KCND3: variants seen among roughly 807,000 people sequenced by gnomAD.
KCND3 encodes potassium voltage-gated channel subfamily D member 3.
Under a neutral mutation model 51.1 loss-of-function variants are expected in KCND3, and 9 were observed. That is an observed-to-expected ratio of 0.18 (90% CI 0.11 to 0.31). The LOEUF (loss-of-function observed/expected upper bound fraction) is 0.31. KCND3 is among the 10% of genes least tolerant of loss of function. The pLI is 1.00. For synonymous variants in KCND3, 349 were observed against 368.0 expected (o/e 0.95, Z 0.59); for missense variants, 526 against 903.8 (o/e 0.58, Z 5.36).
chr1:111,908,475 G>T (rs1670758055), intron 2 of KCND3, among the ~76,000 whole-genome samples: 1 of 152,146 alleles, frequency 6.6e-6, no homozygotes, highest in Non-Finnish European at 1.5e-5. Context: ...GCAGGGCCAG[G>T]AACAAAACCT....
intron 2 of KCND3, among the ~76,000 whole-genome samples, chr1:111,806,784 A>G (rs1211463039): frequency 6.6e-6 from 1 of 152,252 alleles, no homozygotes; most frequent in Non-Finnish European, 1.5e-5. Flanking sequence ...CTTTAAAAAA[A>G]GTTAATCCAG....
chr1:111,834,117 G>C (rs896643773), intron 2 of KCND3, among the ~76,000 whole-genome samples: 1 of 152,180 alleles, frequency 6.6e-6, no homozygotes, highest in Non-Finnish European at 1.5e-5. Flanking sequence ...ATCAGACCAA[G>C]GATTTGACCA....
At chr1:111,776,661 G>A (rs1313544042) in intron 7 of KCND3, among the ~76,000 whole-genome samples, 1 of 152,186 alleles carries the variant, frequency 6.6e-6, no homozygotes, top group African/African-American at 2.4e-5. Context: ...CCTAGGATAA[G>A]CCATGAGTAA....
chr1:111,924,307 C>CA (rs1671601878), intron 2 of KCND3, among the ~76,000 whole-genome samples: 1 of 152,186 alleles, frequency 6.6e-6, no homozygotes, highest in South Asian at 2.1e-4. Context: ...TGTAATACAG[C>CA]TATAAAGTGG....
At chr1:111,867,683 A>C (rs922273876) in intron 2 of KCND3, among the ~76,000 whole-genome samples, 1 of 152,214 alleles carries the variant, frequency 6.6e-6, no homozygotes, top group Non-Finnish European at 1.5e-5. Flanking sequence ...TAGTATGCAC[A>C]TCTAAGAGGG....
intron 2 of KCND3, among the ~76,000 whole-genome samples, chr1:111,800,265 CAT>C (rs1438748135): frequency 3.0e-5 from 3 of 101,244 alleles, no homozygotes; most frequent in South Asian, 4.0e-4. Flanking sequence ...CTCTCTGAAA[CAT>C]GTGCTGTGTC....
At chr1:111,947,639 G>C (rs1006000886) in intron 2 of KCND3, among the ~76,000 whole-genome samples, 5 of 152,180 alleles carry the variant, frequency 3.3e-5, no homozygotes, top group African/African-American at 1.2e-4. Context: ...CAGGTGAATG[G>C]TCAATCAAAA....
chr1:111,956,450 C>G (rs1673347500), intron 2 of KCND3, among the ~76,000 whole-genome samples: 1 of 152,202 alleles, frequency 6.6e-6, no homozygotes, highest in Non-Finnish European at 1.5e-5. Context: ...TCCTTTTGAT[C>G]ATAATTAAGT....
At chr1:111,904,365 G>A (rs544622400) in intron 2 of KCND3, among the ~76,000 whole-genome samples, 1 of 152,254 alleles carries the variant, frequency 6.6e-6, no homozygotes, top group African/African-American at 2.4e-5. Context: ...GGTGGGGTTG[G>A]GGGTTGGTGG....
chr1:111,815,032 C>T (rs570522257), intron 2 of KCND3, among the ~76,000 whole-genome samples: 9 of 152,342 alleles, frequency 5.9e-5, no homozygotes, highest in Non-Finnish European at 1.2e-4. Flanking sequence ...TCTGTTTAGG[C>T]TGCTCCTGCC....
intron 2 of KCND3, among the ~76,000 whole-genome samples, chr1:111,824,450 T>C (rs1346281819): frequency 6.6e-6 from 1 of 152,206 alleles, no homozygotes; most frequent in East Asian, 1.9e-4. Context: ...CTTGCATTAC[T>C]GAATTCTAGC....
intron 2 of KCND3, among the ~76,000 whole-genome samples, chr1:111,841,384 A>C (rs889705343): frequency 6.6e-6 from 1 of 152,188 alleles, no homozygotes; most frequent in Admixed American, 6.5e-5. Flanking sequence ...CCATGAGCTT[A>C]TGTTAACTTG....
intron 2 of KCND3, among the ~76,000 whole-genome samples, chr1:111,943,860 G>T (rs1332043402): frequency 4.6e-5 from 7 of 152,182 alleles, no homozygotes; most frequent in Non-Finnish European, 8.8e-5. Context: ...CCCAGGAGTG[G>T]CATGGCCAGG....
At chr1:111,824,126 A>C (rs1158395864) in intron 2 of KCND3, among the ~76,000 whole-genome samples, 2 of 152,188 alleles carry the variant, frequency 1.3e-5, no homozygotes, top group Non-Finnish European at 2.9e-5. Context: ...CTCCAAAAAA[A>C]AAAAAAAAAA....
chr1:111,918,697 A>G (rs1483727183), intron 2 of KCND3, among the ~76,000 whole-genome samples: 2 of 152,188 alleles, frequency 1.3e-5, no homozygotes, highest in South Asian at 2.1e-4. Context: ...ATGGAGCCCA[A>G]ATAAAAAACA....
At chr1:111,963,191 A>T (rs1439645297) in intron 2 of KCND3, among the ~76,000 whole-genome samples, 1 of 152,234 alleles carries the variant, frequency 6.6e-6, no homozygotes, top group Non-Finnish European at 1.5e-5. Flanking sequence ...GAATCATGAG[A>T]TGTAATAAAT....
At chr1:111,969,931 T>C (rs1439172666) in intron 2 of KCND3, among the ~76,000 whole-genome samples, 1 of 152,194 alleles carries the variant, frequency 6.6e-6, no homozygotes, top group Admixed American at 6.5e-5. Flanking sequence ...TCACTCCACA[T>C]GCAAGCTAAT....
At chr1:111,926,974 A>G (rs1435777071) in intron 2 of KCND3, among the ~76,000 whole-genome samples, 1 of 152,124 alleles carries the variant, frequency 6.6e-6, no homozygotes, top group Non-Finnish European at 1.5e-5. Flanking sequence ...TCTTCCCTCA[A>G]AAGGCAACTG....
rs1281953433 is a variant in KCND3 at position 111,774,770 on chromosome 1, G to A, written c.*1307C>T. ...GTTGCCTCTGGTTTGATATAAGTCAGAGGAATCTTGGTCCCCGTACCACTG... is the reference window on the plus strand; with the variant it reads ...GTTGCCTCTGGTTTGATATAAGTCAAAGGAATCTTGGTCCCCGTACCACTG... On this transcript the variant is annotated 3_prime_UTR_variant, in exon 8 of 8. Transcript: ENST00000302127. The A allele has an allele frequency of 6.6e-6, 1 of 152,196 alleles. No individual in the cohort carries two copies. Among genetic ancestry groups the A allele is most frequent in the African/African-American group, 2.4e-5 (1 of 41,418 alleles). The allele number at this position is 152,196 out of a possible 1,614,324, so 9.4% of individuals were successfully genotyped here. A position where few individuals can be genotyped will look rare whatever the true frequency, so the allele number is the denominator to read the frequency against.
Sources: allele counts gnomAD v4.1 joint callset (sites outside exome capture counted in the v4.1 genomes callset), GRCh38; gene constraint gnomAD v4.1.1; transcripts MANE v1.5; gene names NCBI Gene and HGNC (gene_info 2026-07-23, HGNC 2026-07-21).